Variants in FBXO10 observed in about 807,000 individuals in gnomAD.
FBXO10 encodes the protein F-box protein 10, also known as F-box only protein 10.
FBXO10 carries 39 observed loss-of-function variants against 80.7 expected under a neutral mutation model. That is an observed-to-expected ratio of 0.48 (90% CI 0.37 to 0.63). FBXO10 has a LOEUF of 0.63. Ranked by LOEUF, FBXO10 falls within the 30% of genes least tolerant of loss-of-function variation. The probability of loss-of-function intolerance (pLI) is 0.00; values close to 1 mark genes in which losing one functional copy is unlikely to be tolerated. For synonymous variants in FBXO10, 449 were observed against 489.6 expected, an observed-to-expected ratio of 0.92 and a Z score of 1.09; for missense variants, 1,025 against 1,269.0, an observed-to-expected ratio of 0.81 and a Z score of 2.92.
intron 1 of FBXO10, among the ~76,000 whole-genome samples, chr9:37,556,533 A>ATTTTTTTTTTTTTTT: frequency 1.3e-5 from 1 of 75,118 alleles, no homozygotes; most frequent in African/African-American, 5.6e-5. Flanking sequence ...TTTGTTCTGG[A>ATTTTTTTTTTTTTTT]TTTTTTTTTT....
chr9:37,519,471 C>CCA (rs544294501), intron 8 of FBXO10, among the ~76,000 whole-genome samples: 117,026 of 151,622 alleles, frequency 0.77, 45,309 homozygotes, highest in Middle Eastern at 0.81. Context: ...CCTCTGCCCA[C>CCA]CAACAGCAAC....
At chr9:37,538,089 T>A in intron 2 of FBXO10, 146 bp from the exon 3 acceptor site, 1 of 655,548 alleles carries the variant, frequency 1.5e-6, no homozygotes, top group Non-Finnish European at 2.6e-6. Context: ...ATGTCAGCTG[T>A]CCCCAAAAGG....
chr9:37,518,432 C>A lies in FBXO10; in HGVS notation c.2207G>T (p.Gly736Val). 1 of 1,591,002 alleles carries A rather than the reference C, an allele frequency of 6.3e-7. No individual in the cohort carries two copies. Among genetic ancestry groups the A allele is most frequent in the Non-Finnish European group, 8.6e-7 (1 of 1,166,654 alleles). ...SNSINHNGASGLYVQSSEALH... is the reference protein window; with the variant it reads ...SNSINHNGASVLYVQSSEALH... ...TGCCTCGCTGCTCTGGACATAGAGT[C>A]CTGAGGCTATGGGTGGAAGGGTTGG... Residue 736 changes from glycine to valine, a missense_variant, in exon 9 of 11, where the codon GGA (glycine) becomes GTA (valine). By Grantham distance (109) the Gly-to-Val change is moderately radical. Transcript: ENST00000432825.
At position 37,545,242 on chromosome 9, in the gene FBXO10, T is replaced by C. The variant is rs564946111; in HGVS notation, c.-6-3468A>G. ...CCCAGACTGGAGTGCAGTGGTGCGATCTCGGCTCACTGCAACCTCTGCCTC... is the reference window on the plus strand; with the variant it reads ...CCCAGACTGGAGTGCAGTGGTGCGACCTCGGCTCACTGCAACCTCTGCCTC... On this transcript the variant is annotated intron_variant, in intron 1 of 10. Coordinates refer to ENST00000432825, the MANE Select transcript of FBXO10 (RefSeq NM_012166.3). Among the ~76,000 whole-genome samples, 5 of 137,818 alleles carry C rather than the reference T, an allele frequency of 3.6e-5. No homozygotes were observed. The South Asian group carries it at 1.0e-3, about 28-fold the overall frequency. The allele number at this position is 137,818 out of a possible 152,430, so 90.4% of individuals were successfully genotyped here.
rs761710834 is a variant in FBXO10 at position 37,518,379 on chromosome 9, C to G, written c.2260G>C (p.Ala754Pro). Residue 754 changes from alanine (A) to proline (P), a missense_variant, in exon 9 of 11, where the codon GCG (alanine) becomes CCG (proline). Ala to Pro is a conservative substitution (Grantham distance 27, BLOSUM62 -1). Transcript: ENST00000432825. Reference protein sequence around the residue: ...ALHVITNVIHANGDRGITVAQ... With the variant: ...ALHVITNVIHPNGDRGITVAQ... ...ACAGTAATGCCTCTGTCCCCATTCG[C>G]GTGGATCACATTGGTGATGACATGC... 6.2e-7 allele frequency: 1 copy of G among 1,613,688 alleles called. No homozygotes were observed. The highest frequency in any genetic ancestry group is 2.2e-5 in the East Asian group (1 of 44,872).
chr9:37,541,392 G>A lies in FBXO10; in HGVS notation c.377C>T (p.Ala126Val), dbSNP rs1564344385. Reference sequence around the variant, plus strand: ...AATTCGGTCATACAGGCTGGCCATGGCCAAGGCACTGCCCAGGCTGTCAAA... The same window carrying A: ...AATTCGGTCATACAGGCTGGCCATGACCAAGGCACTGCCCAGGCTGTCAAA... ...REFDSLGSAL[A>V]MASLYDRIVL... Residue 126 changes from alanine to valine, a missense_variant, in exon 2 of 11, where the codon GCC becomes GTC. Physicochemically the swap from Ala to Val is moderately conservative, Grantham distance 64. This residue lies in a region of FBXO10 where 450 missense variants were observed against 499.4 expected (regional missense o/e 0.90). Transcript: ENST00000432825. 2 of 1,614,002 alleles carry A rather than the reference G, an allele frequency of 1.2e-6. No homozygotes were observed. Among genetic ancestry groups the A allele is most frequent in the South Asian group, 2.2e-5 (2 of 91,082 alleles).
In FBXO10 at chr9:37,572,059, A is replaced by AC. The variant is rs527960891; in HGVS notation, c.-7+4151dup. Among the ~76,000 whole-genome samples, 88 of 152,074 alleles carry AC rather than the reference A, an allele frequency of 5.8e-4. 1 individual carries two copies. The South Asian group carries it at 0.017, about 30-fold the overall frequency. ...CTCTTGAGCCTAGGAGGTTGAGGCTACAGTAAGCCATGATCACGCCACTGC... is the reference window on the plus strand; with the variant it reads ...CTCTTGAGCCTAGGAGGTTGAGGCTACCAGTAAGCCATGATCACGCCACTGC... On this transcript the variant is annotated intron_variant, in intron 1 of 10. Transcript: ENST00000432825.
chr9:37,547,782 C>G (rs1008815591), intron 1 of FBXO10, among the ~76,000 whole-genome samples: 6 of 152,018 alleles, frequency 3.9e-5, no homozygotes, highest in African/African-American at 1.2e-4. Context: ...ATAGCAAGAC[C>G]CCGTCTCTAC....
chr9:37,525,067 C>T (rs1326622492), intron 6 of FBXO10, 35 bp downstream of exon 6: 1 of 1,547,404 alleles, frequency 6.5e-7, no homozygotes, highest in Non-Finnish European at 8.7e-7. Flanking sequence ...GGACCTTGGC[C>T]TGGCTGCCAG....
intron 2 of FBXO10, among the ~76,000 whole-genome samples, chr9:37,540,396 C>T (rs1020750329): frequency 1.3e-5 from 2 of 151,976 alleles, no homozygotes; most frequent in East Asian, 3.9e-4. Context: ...ATGTTGGTCT[C>T]GAACTCCTGA....
At chr9:37,540,788 T>C (rs1289699912) in intron 2 of FBXO10, among the ~76,000 whole-genome samples, 1 of 152,198 alleles carries the variant, frequency 6.6e-6, no homozygotes, top group Non-Finnish European at 1.5e-5. Context: ...GTATAGCCTT[T>C]TTCCTCTGTG....
chr9:37,519,240 T>C (rs1324614887), intron 8 of FBXO10, among the ~76,000 whole-genome samples: 1 of 152,250 alleles, frequency 6.6e-6, no homozygotes, highest in African/African-American at 2.4e-5. Context: ...AGTTCTGTAA[T>C]TTTGGAGTAC....
chr9:37,521,365 C>T (rs975909272), intron 8 of FBXO10, among the ~76,000 whole-genome samples: 12 of 151,672 alleles, frequency 7.9e-5, no homozygotes, highest in African/African-American at 2.2e-4. Context: ...AAGTGAGGAG[C>T]GCCTCTGCCT....
Position 37,531,921 on chromosome 9 carries a change from G to A in FBXO10, c.1557C>T (p.Asn519=), listed in dbSNP as rs765123225. The change falls in exon 4 of 11, where the codon AAC becomes AAT. Residue 519 remains asparagine, a synonymous_variant. Transcript: ENST00000432825. ...GAACACAAAGTACCAGTATGAGTGG[G>A]TTGGACTTTTTCCGGATGTCTACAC... ...EAGVDIRKKS[N]PLILCNQIHH... 4.3e-6 allele frequency: 7 copies of A among 1,613,890 alleles called. No individual in the cohort carries two copies. The East Asian group carries it at 1.6e-4, about 36-fold the overall frequency.
intron 1 of FBXO10, among the ~76,000 whole-genome samples, chr9:37,566,192 C>T (rs976680300): frequency 8.5e-5 from 13 of 152,164 alleles, no homozygotes; most frequent in African/African-American, 3.1e-4. Flanking sequence ...CTAATCATGA[C>T]GGCAGGTGAC....
chr9:37,566,373 G>A (rs931326459), intron 1 of FBXO10, among the ~76,000 whole-genome samples: 5 of 151,240 alleles, frequency 3.3e-5, no homozygotes, highest in African/African-American at 4.9e-5. Context: ...GCAGAGAATC[G>A]CTTGAACCTG....
intron 1 of FBXO10, among the ~76,000 whole-genome samples, chr9:37,554,975 C>A (rs1268513705): frequency 6.6e-6 from 1 of 152,134 alleles, no homozygotes; most frequent in Non-Finnish European, 1.5e-5. Flanking sequence ...TTCCTAGGTT[C>A]TTTTCCCAGA....
intron 8 of FBXO10, among the ~76,000 whole-genome samples, chr9:37,520,001 T>A (rs532348882): frequency 0.013 from 1,961 of 150,694 alleles, 35 homozygotes; most frequent in African/African-American, 0.044. Flanking sequence ...CTGAAAAAAA[T>A]TTTTTTTTTC....
intron 1 of FBXO10, chr9:37,575,643 T>C (rs2119217092): frequency 6.6e-6 from 1 of 152,338 alleles, no homozygotes; most frequent in East Asian, 1.9e-4. Context: ...GACTTTCCCC[T>C]CTGTTCTTCA....
Sources: allele counts gnomAD v4.1 joint callset (sites outside exome capture counted in the v4.1 genomes callset), GRCh38; gene constraint gnomAD v4.1.1; regional missense constraint gnomAD v4.1.1; transcripts MANE v1.5; gene names NCBI Gene and HGNC (gene_info 2026-07-23, HGNC 2026-07-21).